The following JAK3 variants were observed in gnomAD, a reference collection of about 807,000 sequenced individuals.
JAK3 encodes Janus kinase 3, also known as tyrosine-protein kinase JAK3.
A neutral mutation model predicts 120.8 loss-of-function variants in JAK3; 88 were observed. That is an observed-to-expected ratio of 0.73 (90% CI 0.61 to 0.87). JAK3 has a LOEUF of 0.87. Ranked by LOEUF, JAK3 falls within the 40% of genes least tolerant of loss-of-function variation. The pLI is 0.00. For synonymous variants in JAK3, 592 were observed against 628.6 expected (o/e 0.94, Z 0.87); for missense variants, 1,254 against 1,501.4 (o/e 0.84, Z 2.72).
chr19:17,844,009 AC>A, intron 2 of JAK3, 109 bp from the exon 3 acceptor site: 1 of 1,398,984 alleles, frequency 7.1e-7, no homozygotes, highest in Non-Finnish European at 9.9e-7. Context: ...TCAAGGTATG[AC>A]CAGCTGTTCC....
rs1321742268 is a variant in JAK3 at position 17,837,066 on chromosome 19, G to A, written c.1786+63C>T. On this transcript the variant is annotated intron_variant, in intron 13 of 23. Coordinates refer to ENST00000458235, the MANE Select transcript of JAK3 (RefSeq NM_000215.4). ...TGTCATATAGCGGCTCAGAACAGAG[G>A]TGGGAAGAACAGCCTAGACTTGGGT... The A allele has an allele frequency of 8.8e-6, 9 of 1,025,694 alleles. No individual in the cohort carries two copies. In the East Asian group the frequency reaches 3.0e-4, roughly 34 times the overall value. 63.5% of individuals were successfully genotyped at this position (1,025,694 alleles called of 1,614,324 possible).
chr19:17,838,712 ATTTT>A (rs35486965), intron 10 of JAK3, among the ~76,000 whole-genome samples: 6 of 99,316 alleles, frequency 6.0e-5, no homozygotes, highest in African/African-American at 7.5e-5. Context: ...TGCCCGGCTA[ATTTT>A]TTTTTTTTTT....
chr19:17,837,337 C>G, intron 12 of JAK3, 124 bp from the exon 13 acceptor site: 1 of 740,096 alleles, frequency 1.4e-6, no homozygotes, highest in East Asian at 2.7e-5. Flanking sequence ...GCCCTGGAGT[C>G]TGCCATTAGT....
chr19:17,837,881 C>CAGGG, intron 12 of JAK3, 51 bp downstream of exon 12: 2 of 1,612,544 alleles, frequency 1.2e-6, no homozygotes, highest in Non-Finnish European at 1.7e-6. Context: ...CATCCACGAC[C>CAGGG]CCCTCTCCAG....
In JAK3 at chr19:17,831,185, A is replaced by C. The variant is rs748115323; in HGVS notation, c.2978+43T>G. ...GGGGCATGGCTGGGGGCGGAGCCAG[A>C]GCCGTGGGGAATAGGGGCGGAGCCT... On this transcript the variant is annotated intron_variant, in intron 21 of 23. Coordinates refer to ENST00000458235, the MANE Select transcript of JAK3 (RefSeq NM_000215.4). This position sits in a 1 kb window ranked among gnomAD's most constrained non-coding sequence, Gnocchi z 5.1. 9.4e-6 allele frequency: 15 copies of C among 1,587,754 alleles called. No homozygotes were observed. In the East Asian group the frequency reaches 3.4e-4, roughly 36 times the overall value.
chr19:17,834,848 T>A lies in JAK3; in HGVS notation c.2199+4A>T. 1.2e-6 allele frequency: 2 copies of A among 1,614,066 alleles called. No individual in the cohort carries two copies. Among genetic ancestry groups the A allele is most frequent in the Non-Finnish European group, 1.7e-6 (2 of 1,179,962 alleles). ...GAGACCGATGCCGGGTGAGGGGCTC[T>A]GACCTTAGCAGGATCCAGGGCACTG... On this transcript the variant is annotated splice_donor_region_variant and intron_variant, in intron 16 of 23. Transcript: ENST00000458235.
At position 17,838,073 on chromosome 19, in the gene JAK3, G is replaced by C. The variant is rs199878926; in HGVS notation, c.1570-10C>G. On this transcript the variant is annotated splice_polypyrimidine_tract_variant and intron_variant, in intron 11 of 23. Transcript: ENST00000458235. ...GGCCCAGGTTCTCATGCTGAATGGT[G>C]AGGGGACAGCAGAAGAGGCCAGTGA... The C allele has an allele frequency of 1.2e-6, 2 of 1,614,164 alleles. No individual in the cohort carries two copies. Among genetic ancestry groups the C allele is most frequent in the Non-Finnish European group, 1.7e-6 (2 of 1,180,030 alleles).
Position 17,839,591 on chromosome 19 carries a change from G to T in JAK3, c.1327C>A (p.Leu443Ile). Residue 443 changes from leucine to isoleucine, a missense_variant, in exon 10 of 24, where the codon CTC becomes ATC. Coordinates refer to ENST00000458235, the MANE Select transcript of JAK3 (RefSeq NM_000215.4). ...CGAAGACTGCTGTGGGGTCGGCTGA[G>T]GCCAACCAGAAGGAAGGTTCCTGTG... The part of the protein sequence containing the change: ...SPTGTFLLVG[L>I]SRPHSSLREL... 1 of 1,612,184 alleles carries T rather than the reference G, an allele frequency of 6.2e-7. No individual in the cohort carries two copies.
Position 17,843,819 on chromosome 19 carries a change from GAGA to G in JAK3, c.263_265del (p.Phe88del), listed in dbSNP as rs1568408091. The G allele has an allele frequency of 6.2e-7, 1 of 1,613,636 alleles. No homozygotes were observed. The highest frequency in any genetic ancestry group is 8.5e-7 in the Non-Finnish European group (1 of 1,179,984). ...GACTTGGGTGCTGGCATCCTCCACGGAGAAGATGTGGCTCGGGGGGAACCAGCA... is the reference window on the plus strand; with the variant it reads ...GACTTGGGTGCTGGCATCCTCCACGGAGATGTGGCTCGGGGGGAACCAGCA... On this transcript the variant is annotated inframe_deletion, in exon 3 of 24. Transcript: ENST00000458235. This position sits in a 1 kb window ranked among gnomAD's most constrained non-coding sequence, Gnocchi z 5.4.
chr19:17,833,100 TC>T (rs1412291476), intron 17 of JAK3, among the ~76,000 whole-genome samples, 171 bp from the exon 18 acceptor site: 2 of 152,234 alleles, frequency 1.3e-5, no homozygotes, highest in Non-Finnish European at 2.9e-5. Context: ...TGTCTCCCAC[TC>T]TGTCCCAGGC....
At position 17,843,446 on chromosome 19, in the gene JAK3, G is replaced by A. The variant is rs751336782; in HGVS notation, c.354C>T (p.Phe118=). The A allele has an allele frequency of 8.3e-5, 133 of 1,600,016 alleles. 1 individual carries two copies. The South Asian group carries it at 1.0e-3, about 12-fold the overall frequency. ...CACTGGCCAAATCCTTGCGTAGCCC[G>A]AAGCGGTGGCACTTCTCCAGCCCAA... The part of the protein sequence containing the change: ...NWFGLEKCHR[F]GLRKDLASAI... The change falls in exon 4 of 24, where the codon TTC becomes TTT. Residue 118 remains phenylalanine, a synonymous_variant. Coordinates refer to ENST00000458235, the MANE Select transcript of JAK3 (RefSeq NM_000215.4). The surrounding 1 kb of genome is among the most constrained non-coding windows in gnomAD (Gnocchi z 5.4).
chr19:17,843,061 C>A lies in JAK3; in HGVS notation c.532G>T (p.Ala178Ser). The stretch of plus-strand genomic sequence containing the variant: ...TTCAGCAGCTCTCCCGGCCGCTGGG[C>A]CTGCTCTCGCGCCATCCGGGCCAGG... The part of the protein sequence containing the change: ...LDLARMAREQ[A>S]QRPGELLKTV... Residue 178 changes from alanine (A) to serine (S), a missense_variant, in exon 5 of 24, where the codon GCC becomes TCC. Ala to Ser is a moderately conservative substitution (Grantham distance 99). Coordinates refer to ENST00000458235, the MANE Select transcript of JAK3 (RefSeq NM_000215.4). This position sits in a 1 kb window ranked among gnomAD's most constrained non-coding sequence, Gnocchi z 5.4. 3 of 1,610,750 alleles carry A rather than the reference C, an allele frequency of 1.9e-6. No individual in the cohort carries two copies. The highest frequency in any genetic ancestry group is 2.5e-6 in the Non-Finnish European group (3 of 1,179,934).
chr19:17,840,619 C>A (rs1275300495), intron 8 of JAK3, among the ~76,000 whole-genome samples: 1 of 151,866 alleles, frequency 6.6e-6, no homozygotes, highest in East Asian at 1.9e-4. Context: ...AAAAAATAGC[C>A]GGGCGTGGTG....
At chr19:17,828,225 CTTTGTTTTGTTTTGTTTTGTTTTGT>C (rs71967621) in intron 23 of JAK3, among the ~76,000 whole-genome samples, 15 of 137,550 alleles carry the variant, frequency 1.1e-4, no homozygotes, top group South Asian at 2.4e-4. Flanking sequence ...ATAATTTTGT[CTTTGTTTTGTTTTGTTTTGTTTTGT>C]TTTGTTTTGT....
At chr19:17,845,059 A>G (rs1291097171) in intron 1 of JAK3, among the ~76,000 whole-genome samples, 1 of 152,192 alleles carries the variant, frequency 6.6e-6, no homozygotes, top group Non-Finnish European at 1.5e-5. Flanking sequence ...AAGTGTTGGG[A>G]AAAACAAACA....
chr19:17,834,551 C>A lies in JAK3; in HGVS notation c.2350+20G>T, dbSNP rs2147681168. On this transcript the variant is annotated intron_variant, in intron 17 of 23. Transcript: ENST00000458235. ...ATATGACATCACAGCCCTCCCCACC[C>A]AACCCGTCCCAGCGGGCACCTGAAG... 1.9e-6 allele frequency: 3 copies of A among 1,610,812 alleles called. No homozygotes were observed. The highest frequency in any genetic ancestry group is 2.2e-5 in the South Asian group (2 of 90,944).
In JAK3 at chr19:17,832,614, G is replaced by A; in HGVS notation, c.2585C>T (p.Pro862Leu). ...VAVKQLQHSG[P>L]DQQRDFQREI... Reference sequence around the variant, plus strand: ...CCGCTGAAAGTCCCTCTGCTGGTCTGGCCCGCTGTGCTGCAGCTGTTTCAC... The same window carrying A: ...CCGCTGAAAGTCCCTCTGCTGGTCTAGCCCGCTGTGCTGCAGCTGTTTCAC... The change falls in exon 19 of 24, where the codon CCA becomes CTA. Residue 862 changes from proline to leucine, a missense_variant. Coordinates refer to ENST00000458235, the MANE Select transcript of JAK3 (RefSeq NM_000215.4). The surrounding 1 kb of genome is among the most constrained non-coding windows in gnomAD (Gnocchi z 4.7). The A allele has an allele frequency of 1.2e-6, 2 of 1,614,214 alleles. No homozygotes were observed. Among genetic ancestry groups the A allele is most frequent in the Non-Finnish European group, 1.7e-6 (2 of 1,180,046 alleles).
intron 23 of JAK3, chr19:17,829,690 T>G (rs1295469398): frequency 3.4e-6 from 1 of 293,474 alleles, no homozygotes; most frequent in African/African-American, 2.1e-5. Flanking sequence ...AGCTCAGGAG[T>G]TGGAGGCTGC....
Position 17,843,758 on chromosome 19 carries a change from G to T in JAK3, c.308+19C>A. On this transcript the variant is annotated intron_variant, in intron 3 of 23. Coordinates refer to ENST00000458235, the MANE Select transcript of JAK3 (RefSeq NM_000215.4). This position sits in a 1 kb window ranked among gnomAD's most constrained non-coding sequence, Gnocchi z 5.4. ...TGATAAAATTGTACAATCCCTGGGG[G>T]CTGGGGGGCACTTCCTACCGAATCC... 6.2e-7 allele frequency: 1 copy of T among 1,612,916 alleles called. No homozygotes were observed. The highest frequency in any genetic ancestry group is 8.5e-7 in the Non-Finnish European group (1 of 1,179,846).
Sources: allele counts gnomAD v4.1 joint callset (sites outside exome capture counted in the v4.1 genomes callset), GRCh38; gene constraint gnomAD v4.1.1; non-coding constraint Gnocchi (gnomAD v3.1); transcripts MANE v1.5; gene names NCBI Gene and HGNC (gene_info 2026-07-23, HGNC 2026-07-21).